The following DCAF17 variants were observed in gnomAD, a reference collection of about 807,000 sequenced individuals.
The protein encoded by DCAF17 is DDB1 and CUL4 associated factor 17, also known as DDB1- and CUL4-associated factor 17.
Under a neutral mutation model 66.0 loss-of-function variants are expected in DCAF17, and 48 were observed. The ratio of observed to expected loss-of-function variants is 0.73; its 90% confidence interval spans 0.58 to 0.92. DCAF17 has a LOEUF of 0.92. Among genes scored for constraint, DCAF17 ranks in the 40% least tolerant of loss-of-function variants. The pLI is 0.00. For missense variants in DCAF17, 562 were observed against 622.8 expected (o/e 0.90, Z 1.04); for synonymous variants, 206 against 214.6 (o/e 0.96, Z 0.35).
chr2:171,454,036 T>A (rs72882329), intron 6 of DCAF17, among the ~76,000 whole-genome samples: 8,695 of 152,076 alleles, frequency 0.057, 331 homozygotes, highest in Middle Eastern at 0.15. Context: ...TATATTTAAT[T>A]AAGTTAAGCA....
chr2:171,436,378 T>C (rs1471675397), intron 2 of DCAF17, among the ~76,000 whole-genome samples: 2 of 152,188 alleles, frequency 1.3e-5, no homozygotes, highest in African/African-American at 4.8e-5. Flanking sequence ...TGTAACTGCG[T>C]TTAATAGTTA....
intron 6 of DCAF17, among the ~76,000 whole-genome samples, chr2:171,454,629 G>A (rs1452573297): frequency 1.3e-5 from 2 of 151,998 alleles, no homozygotes. Context: ...TGGTGCAGTG[G>A]CTCACACCTG....
intron 2 of DCAF17, chr2:171,443,081 C>T (rs1694402689): frequency 6.7e-6 from 1 of 148,908 alleles, no homozygotes; most frequent in Non-Finnish European, 1.5e-5. Flanking sequence ...TTTTTTAAAT[C>T]CACTAGTTTT....
At chr2:171,460,211 T>A (rs1262644587) in intron 8 of DCAF17, among the ~76,000 whole-genome samples, 1 of 150,880 alleles carries the variant, frequency 6.6e-6, no homozygotes, top group African/African-American at 2.4e-5. Context: ...TAATCCCAGC[T>A]ACTTGGGAGG....
intron 9 of DCAF17, among the ~76,000 whole-genome samples, chr2:171,471,780 C>T (rs1334393555): frequency 6.6e-6 from 1 of 152,108 alleles, no homozygotes; most frequent in African/African-American, 2.4e-5. Flanking sequence ...TTTGGGAGGC[C>T]TAGGCAGGCA....
At position 171,480,088 on chromosome 2, in the gene DCAF17, A is replaced by G; in HGVS notation, c.1317A>G (p.Val439=). 6.2e-7 allele frequency: 1 copy of G among 1,613,842 alleles called. No homozygotes were observed. Reference sequence around the variant, plus strand: ...ATGAGTTAGATTTGCTTTCTGTGGTAGCTGTTACTCAAATAGATGCTGAAG... The same window carrying G: ...ATGAGTTAGATTTGCTTTCTGTGGTGGCTGTTACTCAAATAGATGCTGAAG... ...YEDELDLLSV[V]AVTQIDAEGK... The change falls in exon 13 of 14, where the codon GTA becomes GTG. Residue 439 remains valine (V), a synonymous_variant. Transcript: ENST00000375255.
chr2:171,435,909 G>T lies in DCAF17; in HGVS notation c.230+723G>T, dbSNP rs370405068. Among the ~76,000 whole-genome samples, 7 of 152,232 alleles carry T rather than the reference G, an allele frequency of 4.6e-5. No homozygotes were observed. In the East Asian group the frequency reaches 1.2e-3, roughly 25 times the overall value. On this transcript the variant is annotated intron_variant, in intron 2 of 13. Coordinates refer to ENST00000375255, the MANE Select transcript of DCAF17 (RefSeq NM_025000.4). Reference sequence around the variant, plus strand: ...ATATTTAATGCATTCACAGATACATGTAATCACTACCACAGTTAATTTTAG... The same window carrying T: ...ATATTTAATGCATTCACAGATACATTTAATCACTACCACAGTTAATTTTAG...
intron 5 of DCAF17, chr2:171,450,173 G>A: frequency 2.1e-6 from 1 of 485,762 alleles, no homozygotes; most frequent in Non-Finnish European, 3.8e-6. Context: ...ATAAGTGAGA[G>A]CTAAGCCTTG....
rs191638505 is a variant in DCAF17 at position 171,469,527 on chromosome 2, C to T, written c.981+497C>T. 2.1e-3 allele frequency among the ~76,000 whole-genome samples: 312 copies of T among 152,194 alleles called. 1 individual carries two copies. Among genetic ancestry groups the T allele is most frequent in the East Asian group, 6.4e-3 (33 of 5,190 alleles). ...TATGGCAGAGTAGGTAGAAATGGTACGTGGTAAAACAATGGAAATTTCTAC... is the reference window on the plus strand; with the variant it reads ...TATGGCAGAGTAGGTAGAAATGGTATGTGGTAAAACAATGGAAATTTCTAC... On this transcript the variant is annotated intron_variant, in intron 9 of 13. Coordinates refer to ENST00000375255, the MANE Select transcript of DCAF17 (RefSeq NM_025000.4).
rs1001965149 is a variant in DCAF17, at chr2:171,483,883, G to A, written c.*2769G>A. 28 of 453,930 alleles carry A rather than the reference G, an allele frequency of 6.2e-5. No individual in the cohort carries two copies. In the Admixed American group the frequency reaches 6.6e-4, roughly 11 times the overall value. 28.1% of individuals were successfully genotyped at this position (453,930 alleles called of 1,614,324 possible). A position where few individuals can be genotyped will look rare whatever the true frequency, so the allele number is the denominator to read the frequency against. On this transcript the variant is annotated 3_prime_UTR_variant, in exon 14 of 14. Transcript: ENST00000375255. ...AAACATAACCAGATTTGTTCGGCAT[G>A]AACTTGTGCCAAATTTCCTCCAAAG...
intron 10 of DCAF17, among the ~76,000 whole-genome samples, chr2:171,474,630 T>G (rs1007471826): frequency 6.6e-6 from 1 of 152,226 alleles, no homozygotes; most frequent in African/African-American, 2.4e-5. Flanking sequence ...AACTCCAAAA[T>G]GTATATACCA....
chr2:171,458,856 GAA>G (rs34630185), intron 8 of DCAF17, among the ~76,000 whole-genome samples: 2 of 151,966 alleles, frequency 1.3e-5, no homozygotes, highest in Non-Finnish European at 2.9e-5. Context: ...TGTTTTCCAA[GAA>G]AAAATTTTTA....
chr2:171,438,278 T>C lies in DCAF17; in HGVS notation c.230+3092T>C, dbSNP rs552997031. Among the ~76,000 whole-genome samples, 7 of 152,366 alleles carry C rather than the reference T, an allele frequency of 4.6e-5. No homozygotes were observed. In the East Asian group the frequency reaches 1.3e-3, roughly 29 times the overall value. On this transcript the variant is annotated intron_variant, in intron 2 of 13. Transcript: ENST00000375255. ...TTAAGGTGTCTTTTATGGCTCAGAA[T>C]GTGGTCTACCTTGGTGAACGTTTCG...
rs1426451280 is a variant in DCAF17 at position 171,482,177 on chromosome 2, T to C, written c.*1063T>C. 4.4e-6 allele frequency: 2 copies of C among 451,604 alleles called. No homozygotes were observed. The highest frequency in any genetic ancestry group is 4.0e-5 in the African/African-American group (2 of 49,946). The allele number at this position is 451,604 out of a possible 1,614,324, so 28.0% of individuals were successfully genotyped here. On this transcript the variant is annotated 3_prime_UTR_variant, in exon 14 of 14. Coordinates refer to ENST00000375255, the MANE Select transcript of DCAF17 (RefSeq NM_025000.4). ...CCCAAGTAAAGGGAGAAAATGTTTC[T>C]TTGTGCTTCCTGTTTGAGAAATTCA...
At chr2:171,467,283 A>G (rs551601332) in intron 8 of DCAF17, among the ~76,000 whole-genome samples, 1 of 152,318 alleles carries the variant, frequency 6.6e-6, no homozygotes, top group South Asian at 2.1e-4. Context: ...AGAAAAAGGT[A>G]CATGATGAGT....
At chr2:171,440,126 G>C (rs752305487) in intron 2 of DCAF17, among the ~76,000 whole-genome samples, 125 of 152,226 alleles carry the variant, frequency 8.2e-4, no homozygotes, top group South Asian at 8.3e-4. Flanking sequence ...ATCGCACCTG[G>C]CTTAATCATT....
At chr2:171,476,043 T>TA (rs1225480801) in intron 10 of DCAF17, among the ~76,000 whole-genome samples, 1 of 152,140 alleles carries the variant, frequency 6.6e-6, no homozygotes, top group Admixed American at 6.5e-5. Context: ...ATATTGCCAC[T>TA]AAAAAAACTA....
At chr2:171,478,315 G>A (rs749798415) in intron 12 of DCAF17, among the ~76,000 whole-genome samples, 2 of 152,128 alleles carry the variant, frequency 1.3e-5, no homozygotes, top group Non-Finnish European at 2.9e-5. Context: ...TTGAAAACAC[G>A]ATTAGCTTAT....
intron 3 of DCAF17, chr2:171,447,453 C>T (rs1024786961): frequency 2.4e-5 from 6 of 250,832 alleles, no homozygotes; most frequent in Admixed American, 1.6e-4. Flanking sequence ...CTCCACCTCC[C>T]GGGTTCAAGT....
Sources: allele counts gnomAD v4.1 joint callset (sites outside exome capture counted in the v4.1 genomes callset), GRCh38; gene constraint gnomAD v4.1.1; transcripts MANE v1.5; gene names NCBI Gene and HGNC (gene_info 2026-07-23, HGNC 2026-07-21).